CFAP74: variants seen among roughly 807,000 people sequenced by gnomAD.
CFAP74 encodes cilia- and flagella-associated protein 74.
A neutral mutation model predicts 188.9 loss-of-function variants in CFAP74; 124 were observed. The ratio of observed to expected loss-of-function variants is 0.66; its 90% CI spans 0.57 to 0.76. The LOEUF (loss-of-function observed/expected upper bound fraction) is 0.76, where lower values mean the gene tolerates loss of function less well. Among genes scored for constraint, CFAP74 ranks in the 30% least tolerant of loss-of-function variants. The pLI, the probability that CFAP74 is intolerant of heterozygous loss-of-function variation, is 0.00. For missense variants in CFAP74, 2,198 were observed against 2,165.2 expected, an observed-to-expected ratio of 1.02 and a Z score of -0.30; for synonymous variants, 956 against 916.7, an observed-to-expected ratio of 1.04 and a Z score of -0.77.
chr1:1,939,734 C>T lies in CFAP74; in HGVS notation c.2737G>A (p.Val913Ile), dbSNP rs1405141860. Residue 913 changes from valine (V) to isoleucine (I), a missense_variant, in exon 24 of 39, where the codon GTC (valine) becomes ATC (isoleucine). Coordinates refer to ENST00000682832, the MANE Select transcript of CFAP74 (RefSeq NM_001304360.2). ...CTGAGCTCCAGGTCCGAGGTGGTGA[C>T]AATGGCATGCACGGTGAATCCCACT... ...KPVGFTVHAI[V>I]TTSDLELSPS... 3.9e-6 allele frequency: 6 copies of T among 1,535,948 alleles called. No homozygotes were observed. Among genetic ancestry groups the T allele is most frequent in the Non-Finnish European group, 5.2e-6 (6 of 1,146,886 alleles).
Position 1,968,926 on chromosome 1 carries a change from CCT to C in CFAP74, c.1047-95_1047-94del. The C allele has an allele frequency of 2.8e-6, 2 of 721,622 alleles. No homozygotes were observed. Among genetic ancestry groups the C allele is most frequent in the Non-Finnish European group, 4.1e-6 (2 of 492,746 alleles). 44.7% of individuals were successfully genotyped at this position (721,622 alleles called of 1,614,324 possible). On this transcript the variant is annotated intron_variant, in intron 10 of 38. Coordinates refer to ENST00000682832, the MANE Select transcript of CFAP74 (RefSeq NM_001304360.2). This position sits in a 1 kb window ranked among gnomAD's most constrained non-coding sequence, Gnocchi z 4.3. ...GTGCCCGGCGGCCCCTCCCTAGCGC[CCT>C]CCTGGGGGCTCCGGTCCTGCCCAGC...
chr1:1,926,134 T>C (rs1651871028), intron 32 of CFAP74, 94 bp downstream of exon 32: 2 of 1,445,554 alleles, frequency 1.4e-6, no homozygotes, highest in East Asian at 2.5e-5. Context: ...GTCCCAGGCC[T>C]GAGCACAGGT....
At chr1:1,939,495 G>T in intron 24 of CFAP74, 99 bp downstream of exon 24, 1 of 1,202,672 alleles carries the variant, frequency 8.3e-7, no homozygotes, top group Non-Finnish European at 1.2e-6. Context: ...TGGGCCACAT[G>T]CCCACGCGTG....
intron 20 of CFAP74, among the ~76,000 whole-genome samples, chr1:1,945,702 C>A (rs890485241): frequency 2.0e-5 from 3 of 152,004 alleles, no homozygotes; most frequent in African/African-American, 7.3e-5. Context: ...GTGGCACGCA[C>A]CTGTAATCCC....
rs1203578240 is a variant in CFAP74, at chr1:1,934,423, TGTTGTAGGTACAC to T, written c.3012-4100_3012-4088del. Among the ~76,000 whole-genome samples, 11 of 78,692 alleles carry T rather than the reference TGTTGTAGGTACAC, an allele frequency of 1.4e-4. 3 individuals carry two copies. The highest frequency in any genetic ancestry group is 8.8e-4 in the South Asian group (2 of 2,276). The allele number at this position is 78,692 out of a possible 152,430, so 51.6% of individuals were successfully genotyped here. A position where few individuals can be genotyped will look rare whatever the true frequency, so the allele number is the denominator to read the frequency against. ...GTAGGTACACACGTGTGTACATGTG[TGTTGTAGGTACAC>T]ATGTGTGTATTAGGTTGTAGGTACA... On this transcript the variant is annotated intron_variant, in intron 25 of 38. Coordinates refer to ENST00000682832, the MANE Select transcript of CFAP74 (RefSeq NM_001304360.2).
rs923922480 is a variant in CFAP74, at chr1:1,930,128, C to T, written c.3220G>A (p.Glu1074Lys). The change falls in exon 26 of 39, where the codon GAG becomes AAG. Residue 1074 changes from glutamate to lysine, a missense_variant. Physicochemically the swap from Glu to Lys is moderately conservative, Grantham distance 56. Transcript: ENST00000682832. The stretch of plus-strand genomic sequence containing the variant: ...GGCGAGTCTGGGGGCAGCAGGAACT[C>T]GAAAGACGTGGGCCCCATGGGAGAG... Reference protein sequence around the residue: ...DASPMGPTSFEFLLPPDSPIT... With the variant: ...DASPMGPTSFKFLLPPDSPIT... 7.2e-6 allele frequency: 11 copies of T among 1,535,392 alleles called. No homozygotes were observed. The Admixed American group carries it at 9.8e-5, about 14-fold the overall frequency.
Position 1,923,091 on chromosome 1 carries a change from A to G in CFAP74, c.4577T>C (p.Leu1526Pro), listed in dbSNP as rs1346113345. The G allele has an allele frequency of 6.2e-7, 1 of 1,610,288 alleles. No individual in the cohort carries two copies. The highest frequency in any genetic ancestry group is 1.3e-5 in the African/African-American group (1 of 74,770). ...SPEAEELRPI[L>P]VTLDYIQFDT... The stretch of plus-strand genomic sequence containing the variant: ...AAACTGGATGTAGTCCAGGGTCACC[A>G]GGATGGGCCTCAGCTCCTCAGCTTC... Residue 1526 changes from leucine (L) to proline (P), a missense_variant, in exon 37 of 39, where the codon CTG becomes CCG. Transcript: ENST00000682832. This position sits in a 1 kb window ranked among gnomAD's most constrained non-coding sequence, Gnocchi z 6.3.
intron 3 of CFAP74, 55 bp downstream of exon 3, chr1:1,988,834 C>T (rs1657402553): frequency 2.5e-6 from 1 of 403,258 alleles, no homozygotes; most frequent in Non-Finnish European, 4.5e-6. Flanking sequence ...CCCCCCACCC[C>T]CACCCCCACC....
intron 1 of CFAP74, among the ~76,000 whole-genome samples, chr1:1,998,568 T>C (rs1428934879): frequency 6.6e-6 from 1 of 152,188 alleles, no homozygotes. Flanking sequence ...TAAAAGTTTT[T>C]TCTAAAAGAA....
chr1:1,940,973 C>T (rs2803325), intron 22 of CFAP74, among the ~76,000 whole-genome samples: 81,956 of 151,400 alleles, frequency 0.54, 22,389 homozygotes, highest in East Asian at 0.65. Context: ...ATTAGCCGGG[C>T]GTGGTGGCGG....
At chr1:1,964,356 G>A (rs1237673561) in intron 13 of CFAP74, among the ~76,000 whole-genome samples, 4 of 152,248 alleles carry the variant, frequency 2.6e-5, no homozygotes, top group Non-Finnish European at 4.4e-5. Context: ...CAGGGCTTTC[G>A]GGGCCACGGC....
At chr1:1,951,942 T>C (rs1654226197) in intron 18 of CFAP74, among the ~76,000 whole-genome samples, 1 of 152,164 alleles carries the variant, frequency 6.6e-6, no homozygotes, top group Non-Finnish European at 1.5e-5. Context: ...AGAGCATCGG[T>C]GAGCGGCCAA....
At chr1:1,927,075 C>T (rs1419616168) in intron 28 of CFAP74, 47 bp from the exon 29 acceptor site, 1 of 1,548,828 alleles carries the variant, frequency 6.5e-7, no homozygotes, top group Non-Finnish European at 8.7e-7. Flanking sequence ...CCCCACCCAC[C>T]ATCGGCCCAG....
At chr1:1,988,457 C>G in intron 4 of CFAP74, 55 bp downstream of exon 4, 2 of 1,598,592 alleles carry the variant, frequency 1.3e-6, no homozygotes, top group Non-Finnish European at 1.7e-6. Flanking sequence ...GCACCCATGT[C>G]ACGGCCTGGG....
chr1:1,960,454 T>C (rs1558029464), intron 14 of CFAP74, among the ~76,000 whole-genome samples: 3 of 151,858 alleles, frequency 2.0e-5, no homozygotes, highest in African/African-American at 2.4e-5. Flanking sequence ...GAACTGGGAG[T>C]CCTGAGACAG....
In CFAP74 at chr1:1,975,214, G is replaced by A. The variant is rs1356532184; in HGVS notation, c.501-1016C>T. 6.6e-6 allele frequency among the ~76,000 whole-genome samples: 1 copy of A among 152,184 alleles called. No homozygotes were observed. The highest frequency in any genetic ancestry group is 1.5e-5 in the Non-Finnish European group (1 of 68,040). On this transcript the variant is annotated intron_variant, in intron 6 of 38. Transcript: ENST00000682832. The surrounding 1 kb of genome is among the most constrained non-coding windows in gnomAD (Gnocchi z 4.5). ...AGTCTCTCTCCCCACTGCAACACCC[G>A]GGGCAGGGGTCCCACCGCCTTGGCC...
intron 28 of CFAP74, 96 bp downstream of exon 28, chr1:1,927,511 G>T (rs1419109894): frequency 1.7e-6 from 2 of 1,202,512 alleles, no homozygotes; most frequent in African/African-American, 1.5e-5. Context: ...GGGTCATTCC[G>T]GGCAATCTGT....
intron 2 of CFAP74, among the ~76,000 whole-genome samples, chr1:1,990,299 G>A (rs776913114): frequency 6.7e-6 from 1 of 149,200 alleles, no homozygotes; most frequent in Non-Finnish European, 1.5e-5. Flanking sequence ...AGGGAACACA[G>A]TTTTTCTTCC....
chr1:1,977,277 T>C (rs1656510418), intron 6 of CFAP74, among the ~76,000 whole-genome samples: 2 of 152,100 alleles, frequency 1.3e-5, no homozygotes, highest in South Asian at 2.1e-4. Flanking sequence ...CAGAGGCTGA[T>C]TGGGAAAGAT....
Sources: allele counts gnomAD v4.1 joint callset (sites outside exome capture counted in the v4.1 genomes callset), GRCh38; gene constraint gnomAD v4.1.1; non-coding constraint Gnocchi (gnomAD v3.1); transcripts MANE v1.5; gene names NCBI Gene and HGNC (gene_info 2026-07-23, HGNC 2026-07-21).